TTC6: variants seen among roughly 807,000 people sequenced by gnomAD.
TTC6 encodes the protein tetratricopeptide repeat domain 6.
Under a neutral mutation model 210.4 loss-of-function variants are expected in TTC6, and 172 were observed. That is an observed-to-expected ratio of 0.82 (90% CI 0.72 to 0.93). TTC6 has a LOEUF of 0.93. Ranked by LOEUF, TTC6 falls within the 40% of genes least tolerant of loss-of-function variation. The pLI, the probability that TTC6 is intolerant of heterozygous loss-of-function variation, is 0.00. For missense variants in TTC6, 2,414 were observed against 2,318.1 expected, an observed-to-expected ratio of 1.04 and a Z score of -0.85; for synonymous variants, 804 against 819.6, an observed-to-expected ratio of 0.98 and a Z score of 0.32.
intron 14 of TTC6, among the ~76,000 whole-genome samples, chr14:37,776,334 G>A (rs974099376): frequency 6.6e-6 from 1 of 152,098 alleles, no homozygotes; most frequent in Non-Finnish European, 1.5e-5. Context: ...GTGTTGATGT[G>A]TGTGTATTTG....
At chr14:37,671,213 C>G (rs1462244137) in intron 1 of TTC6, among the ~76,000 whole-genome samples, 1 of 152,254 alleles carries the variant, frequency 6.6e-6, no homozygotes, top group East Asian at 1.9e-4. Context: ...TGGCAGGAGA[C>G]CTCCCCATGG....
intron 14 of TTC6, among the ~76,000 whole-genome samples, chr14:37,763,284 G>A (rs1460222818): frequency 1.3e-5 from 2 of 152,142 alleles, no homozygotes; most frequent in Non-Finnish European, 2.9e-5. Context: ...GTGTGTGTTT[G>A]TGCTGTCTTT....
intron 1 of TTC6, among the ~76,000 whole-genome samples, chr14:37,630,793 G>A (rs2139337954): frequency 6.6e-6 from 1 of 151,574 alleles, no homozygotes; most frequent in South Asian, 2.1e-4. Context: ...ATTTAGAATA[G>A]TTAGCTCTTC....
chr14:37,827,410 C>T, intron 29 of TTC6, 44 bp downstream of exon 31: 6 of 1,583,806 alleles, frequency 3.8e-6, no homozygotes, highest in Non-Finnish European at 5.2e-6. Context: ...ACCTGGAATG[C>T]TTTCTTTATT....
At chr14:37,737,463 T>C (rs960891187) in intron 8 of TTC6, among the ~76,000 whole-genome samples, 197 bp from the exon 11 acceptor site, 2 of 152,188 alleles carry the variant, frequency 1.3e-5, no homozygotes, top group African/African-American at 2.4e-5. Flanking sequence ...ATTATACACT[T>C]TTCTACATTA....
intron 1 of TTC6, among the ~76,000 whole-genome samples, chr14:37,642,160 T>C (rs1283349800): frequency 6.6e-6 from 1 of 152,220 alleles, no homozygotes; most frequent in Non-Finnish European, 1.5e-5. Flanking sequence ...TACACTTTCC[T>C]GTGCTTTGAT....
chr14:37,715,694 A>AT (rs1489894223), intron 6 of TTC6, among the ~76,000 whole-genome samples: 1 of 152,178 alleles, frequency 6.6e-6, no homozygotes, highest in Non-Finnish European at 1.5e-5. Context: ...GTGACAGAAC[A>AT]TTTTTCAAGT....
chr14:37,645,120 C>T (rs1348454530), intron 1 of TTC6, among the ~76,000 whole-genome samples: 1 of 152,186 alleles, frequency 6.6e-6, no homozygotes, highest in Non-Finnish European at 1.5e-5. Flanking sequence ...ACATCCTCAC[C>T]AGCTTTGTGC....
At chr14:37,617,229 G>A (rs951567043), upstream of TTC6, among the ~76,000 whole-genome samples, 1 of 152,162 alleles carries the variant, frequency 6.6e-6, no homozygotes, top group Non-Finnish European at 1.5e-5. Flanking sequence ...TCCAAGAAGT[G>A]AAGATAGAAA....
At chr14:37,674,062 A>AT (rs554592191) in intron 1 of TTC6, among the ~76,000 whole-genome samples, 2 of 151,798 alleles carry the variant, frequency 1.3e-5, no homozygotes, top group Non-Finnish European at 2.9e-5. Context: ...TTTCTTTTTG[A>AT]TTTTTTTTAG....
intron 1 of TTC6, among the ~76,000 whole-genome samples, chr14:37,627,466 C>T: frequency 6.6e-6 from 1 of 151,944 alleles, no homozygotes; most frequent in Non-Finnish European, 1.5e-5. Flanking sequence ...CCCCCACCCC[C>T]TGACAGGCCC....
rs2095849613 is a variant in TTC6, at chr14:37,714,647, C to T, written c.1572-8C>T. 1 of 1,532,652 alleles carries T rather than the reference C, an allele frequency of 6.5e-7. No homozygotes were observed. The highest frequency in any genetic ancestry group is 1.2e-5 in the South Asian group (1 of 83,672). 94.9% of individuals were successfully genotyped at this position (1,532,652 alleles called of 1,614,324 possible). Reference sequence around the variant, plus strand: ...AAAAGCAAACTTATTGTTCTTATCACATTGTAGAATATTGTATGGAATTCC... The same window carrying T: ...AAAAGCAAACTTATTGTTCTTATCATATTGTAGAATATTGTATGGAATTCC... On this transcript the variant is annotated splice_polypyrimidine_tract_variant and splice_region_variant and intron_variant, in intron 5 of 30. Coordinates refer to ENST00000553443, the Ensembl canonical transcript of TTC6.
chr14:37,750,581 C>T (rs1027659264), intron 12 of TTC6, among the ~76,000 whole-genome samples: 2 of 151,994 alleles, frequency 1.3e-5, no homozygotes, highest in Non-Finnish European at 2.9e-5. Flanking sequence ...TTGGCATTGT[C>T]GAAATCAAAA....
In TTC6 at chr14:37,796,377, A is replaced by G. The variant is rs1177527983; in HGVS notation, c.3868+7A>G. 7 of 1,079,662 alleles carry G rather than the reference A, an allele frequency of 6.5e-6. No individual in the cohort carries two copies. The highest frequency in any genetic ancestry group is 8.1e-6 in the Non-Finnish European group (6 of 743,594). 66.9% of individuals were successfully genotyped at this position (1,079,662 alleles called of 1,614,324 possible). A position where few individuals can be genotyped will look rare whatever the true frequency, so the allele number is the denominator to read the frequency against. ...ATAGCAGAAATGGACAAAGGTAAGT[A>G]TAATTAATTATAACTTTTAAGAAAT... On this transcript the variant is annotated splice_region_variant and intron_variant, in intron 19 of 30. Coordinates refer to ENST00000553443, the Ensembl canonical transcript of TTC6.
chr14:37,688,835 A>C (rs936257716), intron 3 of TTC6, among the ~76,000 whole-genome samples: 1 of 152,096 alleles, frequency 6.6e-6, no homozygotes, highest in Non-Finnish European at 1.5e-5. Flanking sequence ...CCTTCCCCAA[A>C]GGGATGGGTA....
At chr14:37,731,658 C>T (rs2095886618) in intron 7 of TTC6, among the ~76,000 whole-genome samples, 1 of 152,164 alleles carries the variant, frequency 6.6e-6, no homozygotes, top group African/African-American at 2.4e-5. Flanking sequence ...TCAAAACTTT[C>T]AGTAACGAAC....
intron 14 of TTC6, among the ~76,000 whole-genome samples, chr14:37,775,338 T>C (rs2096033863): frequency 6.6e-6 from 1 of 152,202 alleles, no homozygotes; most frequent in Non-Finnish European, 1.5e-5. Context: ...ATTTGGCATC[T>C]TCCTAAGTTT....
chr14:37,824,120 A>G (rs562989884), intron 27 of TTC6, among the ~76,000 whole-genome samples, 163 bp downstream of exon 29: 1 of 152,156 alleles, frequency 6.6e-6, no homozygotes, highest in South Asian at 2.1e-4. Context: ...GGGTTTAGTT[A>G]GTTATAGAGA....
rs754196611 is a variant in TTC6 at position 37,826,297 on chromosome 14, C to T, written c.5077C>T (p.Gln1693Ter). 1 of 1,611,812 alleles carries T rather than the reference C, an allele frequency of 6.2e-7. No individual in the cohort carries two copies. Among genetic ancestry groups the T allele is most frequent in the Admixed American group, 1.7e-5 (1 of 59,744 alleles). Residue 1693 changes from glutamine to a stop codon, truncating the protein, a stop_gained, in exon 28 of 31, where the codon CAG becomes TAG. Transcript: ENST00000553443. LOFTEE classifies it high-confidence loss of function. ...TGAAGGAAGAGCTGTGGTCTGTCTTCAGATGGGTAATAATTTTGCTGCAAT... is the reference window on the plus strand; with the variant it reads ...TGAAGGAAGAGCTGTGGTCTGTCTTTAGATGGGTAATAATTTTGCTGCAAT...
Sources: gnomAD v4.1 joint callset for allele counts (sites outside exome capture counted in the v4.1 genomes callset) on GRCh38, gnomAD v4.1.1 for gene constraint, MANE v1.5 for transcripts, NCBI Gene and HGNC (gene_info 2026-07-23, HGNC 2026-07-21) for gene names.